KAZN: variants seen among roughly 807,000 people sequenced by gnomAD.
KAZN encodes the protein kazrin.
KAZN carries 40 observed loss-of-function variants against 87.4 expected under a neutral mutation model. The ratio of observed to expected loss-of-function variants is 0.46; its 90% confidence interval spans 0.36 to 0.60. The LOEUF is 0.60. Among genes scored for constraint, KAZN ranks in the 20% least tolerant of loss-of-function variants. The pLI is 0.00. For missense variants in KAZN, 898 were observed against 1,073.9 expected, an observed-to-expected ratio of 0.84 and a Z score of 2.29; for synonymous variants, 466 against 458.3, an observed-to-expected ratio of 1.02 and a Z score of -0.22.
chr1:14,054,543 G>A (rs1570626643), intron 1 of KAZN, among the ~76,000 whole-genome samples: 1 of 152,246 alleles, frequency 6.6e-6, no homozygotes, highest in East Asian at 1.9e-4. Flanking sequence ...TTTTCCTAGG[G>A]GCTAAATTCT....
intron 1 of KAZN, among the ~76,000 whole-genome samples, chr1:14,755,965 G>T (rs1466145806): frequency 2.6e-5 from 4 of 152,194 alleles, no homozygotes; most frequent in Non-Finnish European, 5.9e-5. Flanking sequence ...CCTGTGTCTA[G>T]AATGGTACCA....
intron 2 of KAZN, among the ~76,000 whole-genome samples, chr1:14,516,458 T>C (rs751105829): frequency 6.6e-6 from 1 of 152,170 alleles, no homozygotes; most frequent in Admixed American, 6.5e-5. Context: ...TTGACCACAG[T>C]GATTGGCTCA....
chr1:14,099,795 A>C (rs1644209348), intron 1 of KAZN, among the ~76,000 whole-genome samples: 1 of 152,154 alleles, frequency 6.6e-6, no homozygotes, highest in South Asian at 2.1e-4. Flanking sequence ...TTAAAGGTGG[A>C]TTGCCTGTGC....
chr1:14,666,070 AT>A (rs1282625206), intron 1 of KAZN, among the ~76,000 whole-genome samples: 2 of 151,870 alleles, frequency 1.3e-5, no homozygotes, highest in East Asian at 3.9e-4. Context: ...AGAAGCATAT[AT>A]TTTTTATTAA....
intron 1 of KAZN, among the ~76,000 whole-genome samples, chr1:14,712,480 G>A (rs531856126): frequency 7.1e-4 from 108 of 152,254 alleles, no homozygotes; most frequent in Non-Finnish European, 1.2e-3. Context: ...AGAAGTTTTC[G>A]ATGCTTTCTG....
At chr1:14,237,354 C>T (rs1490272341) in intron 2 of KAZN, among the ~76,000 whole-genome samples, 2 of 152,160 alleles carry the variant, frequency 1.3e-5, no homozygotes, top group Non-Finnish European at 2.9e-5. Flanking sequence ...GCCCAGCTGG[C>T]CCCTGAGTAC....
At chr1:14,252,823 C>T (rs72644436) in intron 2 of KAZN, among the ~76,000 whole-genome samples, 13,640 of 152,150 alleles carry the variant, frequency 0.09, 911 homozygotes, top group East Asian at 0.35. Flanking sequence ...ATCTTACAAT[C>T]CGTTGTTGGT....
chr1:14,076,945 G>A (rs543872090), intron 1 of KAZN, among the ~76,000 whole-genome samples: 4 of 152,160 alleles, frequency 2.6e-5, no homozygotes, highest in Admixed American at 2.0e-4. Context: ...GAGGACTGTC[G>A]CTTGCCCTGG....
intron 2 of KAZN, among the ~76,000 whole-genome samples, chr1:14,373,124 G>GT (rs1436165423): frequency 6.6e-6 from 1 of 151,914 alleles, no homozygotes; most frequent in East Asian, 1.9e-4. Context: ...AACAAGGACT[G>GT]TAAGAGGTAG....
chr1:14,481,679 G>C (rs1398665912), intron 2 of KAZN, among the ~76,000 whole-genome samples: 1 of 142,054 alleles, frequency 7.0e-6, no homozygotes, highest in Non-Finnish European at 1.5e-5. Flanking sequence ...TGATTGTTTA[G>C]GCAAAAAAAA....
At chr1:14,060,418 A>C (rs905368538) in intron 1 of KAZN, among the ~76,000 whole-genome samples, 5 of 151,610 alleles carry the variant, frequency 3.3e-5, no homozygotes, top group African/African-American at 1.2e-4. Flanking sequence ...TTGCAATAAG[A>C]GCTGTGAGGC....
intron 2 of KAZN, among the ~76,000 whole-genome samples, chr1:14,310,037 C>T (rs559185116): frequency 4.6e-5 from 7 of 152,236 alleles, no homozygotes; most frequent in African/African-American, 1.7e-4. Context: ...GCTATCAGGA[C>T]TTGCCAATGG....
At chr1:14,697,517 G>A (rs545950768) in intron 1 of KAZN, among the ~76,000 whole-genome samples, 164 of 152,198 alleles carry the variant, frequency 1.1e-3, no homozygotes, top group Non-Finnish European at 2.1e-3. Flanking sequence ...CTTTATTATG[G>A]AATCCCATTT....
At chr1:14,896,041 CTTTTTTT>C (rs201188620) in intron 1 of KAZN, among the ~76,000 whole-genome samples, 1 of 140,716 alleles carries the variant, frequency 7.1e-6, no homozygotes, top group African/African-American at 2.8e-5. Flanking sequence ...AAAAAGACGC[CTTTTTTT>C]TTTTTTTTTT....
At chr1:13,955,200 A>C (rs1426234520) in intron 1 of KAZN, among the ~76,000 whole-genome samples, 4 of 152,144 alleles carry the variant, frequency 2.6e-5, no homozygotes, top group African/African-American at 4.8e-5. Context: ...CAAAAGATTT[A>C]GGTTGTCTGT....
chr1:14,776,860 C>T (rs1246933746), intron 1 of KAZN, among the ~76,000 whole-genome samples: 2 of 147,496 alleles, frequency 1.4e-5, no homozygotes, highest in Admixed American at 6.9e-5. Context: ...CATTTGAGTC[C>T]GGGACAATGA....
At chr1:14,909,826 C>A (rs1657041008) in intron 1 of KAZN, among the ~76,000 whole-genome samples, 1 of 152,116 alleles carries the variant, frequency 6.6e-6, no homozygotes, top group Non-Finnish European at 1.5e-5. Context: ...AGGCGGATCA[C>A]CTGAGCTCAG....
intron 1 of KAZN, among the ~76,000 whole-genome samples, chr1:14,878,575 TC>T (rs1653012550): frequency 6.6e-6 from 1 of 152,128 alleles, no homozygotes; most frequent in Non-Finnish European, 1.5e-5. Flanking sequence ...GCTATTGGCC[TC>T]CCCAAAGCAG....
intron 2 of KAZN, among the ~76,000 whole-genome samples, chr1:14,362,430 T>C (rs528722976): frequency 1.3e-5 from 2 of 152,330 alleles, no homozygotes; most frequent in East Asian, 3.9e-4. Context: ...CAATCTTATG[T>C]GACACAATCA....
Sources: allele counts gnomAD v4.1 joint callset (sites outside exome capture counted in the v4.1 genomes callset), GRCh38; gene constraint gnomAD v4.1.1; transcripts MANE v1.5; gene names NCBI Gene and HGNC (gene_info 2026-07-23, HGNC 2026-07-21).